The following PDE6H variants were observed in gnomAD, a reference collection of about 807,000 sequenced individuals.
PDE6H encodes the protein phosphodiesterase 6H, also known as retinal cone rhodopsin-sensitive cGMP 3',5'-cyclic phosphodiesterase subunit gamma.
Under a neutral mutation model 9.2 loss-of-function variants are expected in PDE6H, and 11 were observed. The observed-to-expected ratio is 1.19, with a 90% confidence interval of 0.75 to 1.97. The LOEUF (loss-of-function observed/expected upper bound fraction) is 1.97. Ranked by LOEUF, PDE6H falls within the 30% of genes most tolerant of loss-of-function variation. PDE6H has a pLI of 0.00. For missense variants in PDE6H, 98 were observed against 101.5 expected, an observed-to-expected ratio of 0.97 and a Z score of 0.15; for synonymous variants, 36 against 33.6, an observed-to-expected ratio of 1.07 and a Z score of -0.25.
chr12:14,977,039 G>C (rs1235119309), intron 1 of PDE6H, among the ~76,000 whole-genome samples: 1 of 152,264 alleles, frequency 6.6e-6, no homozygotes, highest in Non-Finnish European at 1.5e-5. Context: ...ATATTGGATA[G>C]GTCCGTGGTG....
intron 1 of PDE6H, among the ~76,000 whole-genome samples, chr12:14,976,476 A>G (rs1003461667): frequency 6.6e-6 from 1 of 152,178 alleles, no homozygotes; most frequent in Non-Finnish European, 1.5e-5. Flanking sequence ...TGTGGCCAGT[A>G]AAGAGAGTCA....
chr12:14,981,828 A>G lies in PDE6H; in HGVS notation c.*352A>G. 1 of 346,128 alleles carries G rather than the reference A, an allele frequency of 2.9e-6. No homozygotes were observed. Among genetic ancestry groups the G allele is most frequent in the Non-Finnish European group, 5.5e-6 (1 of 182,678 alleles). The allele number at this position is 346,128 out of a possible 1,614,324, so 21.4% of individuals were successfully genotyped here. ...TAAGACAACATTTATGTCACTCCCCACCTCCTCATATTTAATAAAGGAGAT... is the reference window on the plus strand; with the variant it reads ...TAAGACAACATTTATGTCACTCCCCGCCTCCTCATATTTAATAAAGGAGAT... On this transcript the variant is annotated 3_prime_UTR_variant, in exon 4 of 4. Coordinates refer to ENST00000266395, the MANE Select transcript of PDE6H (RefSeq NM_006205.3).
At chr12:14,973,737 C>G (rs1248925905) in intron 1 of PDE6H, among the ~76,000 whole-genome samples, 1 of 152,138 alleles carries the variant, frequency 6.6e-6, no homozygotes, top group Non-Finnish European at 1.5e-5. Context: ...ACTTCCCTTC[C>G]CAGCTCCTTC....
At chr12:14,974,941 A>G (rs1388267155) in intron 1 of PDE6H, among the ~76,000 whole-genome samples, 5 of 152,244 alleles carry the variant, frequency 3.3e-5, no homozygotes, top group African/African-American at 1.2e-4. Context: ...GTACCACTCT[A>G]CTTATATTGT....
chr12:14,979,958 C>T (rs1223627004), intron 3 of PDE6H, among the ~76,000 whole-genome samples: 1 of 152,096 alleles, frequency 6.6e-6, no homozygotes, highest in African/African-American at 2.4e-5. Context: ...ATTTGATGAG[C>T]CAATGTCGAT....
At position 14,978,127 on chromosome 12, in the gene PDE6H, C is replaced by A; in HGVS notation, c.115C>A (p.Pro39Thr). 6.2e-7 allele frequency: 1 copy of A among 1,613,716 alleles called. No homozygotes were observed. The highest frequency in any genetic ancestry group is 2.2e-5 in the East Asian group (1 of 44,848). The change falls in exon 2 of 4, where the codon CCA becomes ACA. Residue 39 changes from proline to threonine, a missense_variant. Coordinates refer to ENST00000266395, the MANE Select transcript of PDE6H (RefSeq NM_006205.3). ...GACTCGCCAATTCAAGAGTAAACCT[C>A]CAAAGAAAGGTGTGAAAGGGTAAGA... ...RQTRQFKSKP[P>T]KKGVKGFGDD...
Position 14,980,991 on chromosome 12 carries a change from G to C in PDE6H, c.176-409G>C, listed in dbSNP as rs140922645. 1.9e-3 allele frequency among the ~76,000 whole-genome samples: 284 copies of C among 152,304 alleles called. 1 individual carries two copies. The highest frequency in any genetic ancestry group is 6.3e-3 in the African/African-American group (263 of 41,572). On this transcript the variant is annotated intron_variant, in intron 3 of 3. Coordinates refer to ENST00000266395, the MANE Select transcript of PDE6H (RefSeq NM_006205.3). ...ATTAGAGAAGAAACCGATCTAGATT[G>C]GTAGGGAAGACTATGGATACCTAGA... is the stretch of plus-strand genomic sequence containing the variant.
chr12:14,975,569 C>T (rs923048414), intron 1 of PDE6H, among the ~76,000 whole-genome samples: 11 of 152,122 alleles, frequency 7.2e-5, no homozygotes, highest in East Asian at 1.9e-4. Context: ...CTGAGCACAG[C>T]GCAGATCTTG....
chr12:14,978,561 C>A (rs1198247652), intron 2 of PDE6H, among the ~76,000 whole-genome samples: 1 of 152,178 alleles, frequency 6.6e-6, no homozygotes, highest in Non-Finnish European at 1.5e-5. Flanking sequence ...TTGGCAAAAT[C>A]CTATTGATTT....
At chr12:14,974,778 C>T (rs958743912) in intron 1 of PDE6H, among the ~76,000 whole-genome samples, 1 of 152,220 alleles carries the variant, frequency 6.6e-6, no homozygotes, top group Non-Finnish European at 1.5e-5. Flanking sequence ...ATGATAATTG[C>T]CCCTCTGGTG....
intron 2 of PDE6H, 130 bp downstream of exon 2, chr12:14,978,276 C>T (rs1177644917): frequency 1.3e-6 from 1 of 756,040 alleles, no homozygotes; most frequent in Non-Finnish European, 2.3e-6. Context: ...CTCTCTTTTC[C>T]TCTGTAACTC....
intron 3 of PDE6H, among the ~76,000 whole-genome samples, chr12:14,979,925 A>G (rs1026985744): frequency 2.0e-5 from 3 of 152,168 alleles, no homozygotes; most frequent in African/African-American, 7.2e-5. Context: ...TCTATTATTA[A>G]CATCTTGTAT....
Position 14,973,045 on chromosome 12 carries a change from A to G in PDE6H, c.-83A>G, listed in dbSNP as rs1383846938. The G allele has an allele frequency of 6.6e-6, 1 of 152,220 alleles. No individual in the cohort carries two copies. The highest frequency in any genetic ancestry group is 1.5e-5 in the Non-Finnish European group (1 of 68,054). The allele number at this position is 152,220 out of a possible 1,614,324, so 9.4% of individuals were successfully genotyped here. ...TGCAAAGATCCTTTTGTCTTTTGCA[A>G]AGAAGGCAGCTGGGCAGCTGATAGG... On this transcript the variant is annotated 5_prime_UTR_variant, in exon 1 of 4. Coordinates refer to ENST00000266395, the MANE Select transcript of PDE6H (RefSeq NM_006205.3).
intron 1 of PDE6H, among the ~76,000 whole-genome samples, chr12:14,973,328 T>C (rs931411625): frequency 6.6e-6 from 1 of 152,234 alleles, no homozygotes; most frequent in Non-Finnish European, 1.5e-5. Context: ...ACTTGATTAC[T>C]GAATTCATTT....
chr12:14,981,534 C>T lies in PDE6H; in HGVS notation c.*58C>T. 10 of 1,134,226 alleles carry T rather than the reference C, an allele frequency of 8.8e-6. No individual in the cohort carries two copies. The highest frequency in any genetic ancestry group is 8.6e-5 in the South Asian group (7 of 81,386). The allele number at this position is 1,134,226 out of a possible 1,614,324, so 70.3% of individuals were successfully genotyped here. A position where few individuals can be genotyped will look rare whatever the true frequency, so the allele number is the denominator to read the frequency against. On this transcript the variant is annotated 3_prime_UTR_variant, in exon 4 of 4. Coordinates refer to ENST00000266395, the MANE Select transcript of PDE6H (RefSeq NM_006205.3). ...CTGCTGTAATTTTGGTTGCTTTTGC[C>T]CTGTTGATCTGCCGGAGTCTTGAAA...
chr12:14,981,456 G>T lies in PDE6H; in HGVS notation c.232G>T (p.Ala78Ser), dbSNP rs199740819. 5.4e-4 allele frequency: 871 copies of T among 1,612,432 alleles called. 7 individuals carry two copies. Among genetic ancestry groups the T allele is most frequent in the Non-Finnish European group, 4.0e-5 (47 of 1,178,432 alleles). The change falls in exon 4 of 4, where the codon GCT (alanine) becomes TCT (serine). Residue 78 changes from alanine (A) to serine (S), a missense_variant. By Grantham distance (99) the Ala-to-Ser change is moderately conservative. Transcript: ENST00000266395. The stretch of plus-strand genomic sequence containing the variant: ...CAGCCACCTGGAATTGCATGAGCTC[G>T]CTCAGTTTGGGATTATCTGAAGTGC... ...AFSHLELHEL[A>S]QFGII
intron 1 of PDE6H, among the ~76,000 whole-genome samples, chr12:14,976,250 G>A (rs928884947): frequency 3.9e-5 from 6 of 152,178 alleles, no homozygotes; most frequent in Non-Finnish European, 8.8e-5. Context: ...TCCAGTAGGG[G>A]ATAAAGGAAG....
At chr12:14,979,352 T>C in intron 3 of PDE6H, 133 bp downstream of exon 3, 1 of 710,032 alleles carries the variant, frequency 1.4e-6, no homozygotes, top group Non-Finnish European at 2.6e-6. Flanking sequence ...CATAGAAATG[T>C]GGGGATTTAA....
At chr12:14,980,422 T>C (rs998205493) in intron 3 of PDE6H, among the ~76,000 whole-genome samples, 2 of 152,228 alleles carry the variant, frequency 1.3e-5, no homozygotes, top group African/African-American at 4.8e-5. Context: ...ATGAATAAAA[T>C]GCCCCTAAAT....
Sources: gnomAD v4.1 joint callset for allele counts (sites outside exome capture counted in the v4.1 genomes callset) on GRCh38, gnomAD v4.1.1 for gene constraint, MANE v1.5 for transcripts, NCBI Gene and HGNC (gene_info 2026-07-23, HGNC 2026-07-21) for gene names.